The following SOX6 variants were observed in gnomAD, a reference collection of about 807,000 sequenced individuals.
The protein encoded by SOX6 is SRY-box transcription factor 6.
SOX6 carries 11 observed loss-of-function variants against 97.8 expected under a neutral mutation model. That is an observed-to-expected ratio of 0.11 (90% CI 0.07 to 0.19). The LOEUF (loss-of-function observed/expected upper bound fraction) is 0.19. Ranked by LOEUF, SOX6 falls within the 10% of genes least tolerant of loss-of-function variation. SOX6 has a pLI of 1.00. For missense variants in SOX6, 810 were observed against 1,039.5 expected (o/e 0.78, Z 3.04); for synonymous variants, 360 against 371.4 (o/e 0.97, Z 0.35).
At chr11:16,113,331 C>T (rs1564961526) in intron 6 of SOX6, among the ~76,000 whole-genome samples, 1 of 152,260 alleles carries the variant, frequency 6.6e-6, no homozygotes, top group Non-Finnish European at 1.5e-5. Context: ...TGTGCAATTA[C>T]TACCTTGCCA....
chr11:16,342,950 A>G (rs1346119835), intron 1 of SOX6, among the ~76,000 whole-genome samples: 1 of 151,880 alleles, frequency 6.6e-6, no homozygotes, highest in African/African-American at 2.4e-5. Context: ...AGGGAATGCA[A>G]AAGAATGCCT....
chr11:16,388,135 T>C (rs920082226), intron 1 of SOX6, among the ~76,000 whole-genome samples: 7 of 151,948 alleles, frequency 4.6e-5, no homozygotes, highest in Admixed American at 2.6e-4. Flanking sequence ...TTGCTGGGAG[T>C]TTTTTAATTA....
chr11:16,343,228 C>T (rs184582019), intron 1 of SOX6, among the ~76,000 whole-genome samples: 229 of 151,990 alleles, frequency 1.5e-3, no homozygotes, highest in Non-Finnish European at 2.6e-3. Context: ...AGGGTGATTT[C>T]CTATTTCAGA....
At chr11:16,450,437 A>G (rs931689070) in intron 1 of SOX6, among the ~76,000 whole-genome samples, 1 of 152,230 alleles carries the variant, frequency 6.6e-6, no homozygotes, top group African/African-American at 2.4e-5. Flanking sequence ...AATGGGGAAA[A>G]TATAGACAGC....
intron 6 of SOX6, among the ~76,000 whole-genome samples, chr11:16,142,012 TC>T (rs1850156579): frequency 3.9e-5 from 6 of 152,116 alleles, no homozygotes; most frequent in Admixed American, 2.6e-4. Context: ...GTAGTGGTTC[TC>T]CCAGCATGGA....
chr11:16,306,390 G>A (rs1855433440), intron 3 of SOX6, among the ~76,000 whole-genome samples: 1 of 152,122 alleles, frequency 6.6e-6, no homozygotes, highest in African/African-American at 2.4e-5. Flanking sequence ...TAATTTTAGA[G>A]GAGGAGACAT....
In SOX6 at chr11:16,697,176, C is replaced by G. The variant is rs1848060093; in HGVS notation, n.429+17654G>C. On this transcript the variant is annotated intron_variant and non_coding_transcript_variant, in intron 3 of 5. Coordinates refer to the SOX6 transcript ENST00000524520. ...CTAATTCTACTTCTCTTGCTGCTTCCATATCTACAGTTACTTCCTCCACTG... is the reference window on the plus strand; with the variant it reads ...CTAATTCTACTTCTCTTGCTGCTTCGATATCTACAGTTACTTCCTCCACTG... Among the ~76,000 whole-genome samples the G allele has an allele frequency of 5.3e-5, 8 of 152,172 alleles. No homozygotes were observed. In the South Asian group the frequency reaches 1.7e-3, roughly 32 times the overall value.
chr11:16,346,556 C>T (rs1590144810), intron 1 of SOX6, among the ~76,000 whole-genome samples: 1 of 152,188 alleles, frequency 6.6e-6, no homozygotes, highest in Admixed American at 6.6e-5. Context: ...TCCTCTCCCC[C>T]AATCCACCTC....
At chr11:16,714,451 C>CTTTTTTTTTTTTTTT (rs761435639) in intron 3 of SOX6, among the ~76,000 whole-genome samples, 6 of 116,372 alleles carry the variant, frequency 5.2e-5, no homozygotes, top group Admixed American at 8.7e-5. Context: ...AATTTTCTTT[C>CTTTTTTTTTTTTTTT]TTTTTTTTTT....
chr11:16,292,813 G>A (rs906387212), intron 3 of SOX6, among the ~76,000 whole-genome samples: 3 of 152,130 alleles, frequency 2.0e-5, no homozygotes, highest in Admixed American at 1.3e-4. Flanking sequence ...CTTGGTAACT[G>A]GTACAGAGAG....
intron 3 of SOX6, among the ~76,000 whole-genome samples, chr11:16,675,102 C>T (rs1847875306): frequency 6.6e-6 from 1 of 152,172 alleles, no homozygotes; most frequent in African/African-American, 2.4e-5. Flanking sequence ...ACAAAATCAA[C>T]ATACAAAAAT....
intron 6 of SOX6, among the ~76,000 whole-genome samples, chr11:16,182,770 A>G (rs1261185078): frequency 6.6e-6 from 1 of 151,924 alleles, no homozygotes. Flanking sequence ...CAGATACCAA[A>G]TTAGTACTTT....
chr11:15,971,827 A>G lies in SOX6; in HGVS notation c.*982T>C, dbSNP rs980825516. 6.5e-6 allele frequency: 1 copy of G among 152,764 alleles called. No individual in the cohort carries two copies. The highest frequency in any genetic ancestry group is 1.5e-5 in the Non-Finnish European group (1 of 68,034). 9.5% of individuals were successfully genotyped at this position (152,764 alleles called of 1,614,324 possible). On this transcript the variant is annotated 3_prime_UTR_variant, in exon 16 of 16. Transcript: ENST00000683767. ...TAATGCCACCAACAATTGAAAAAAA[A>G]TAAATAGCAAGTGGACCCTTGACAT...
At chr11:16,637,262 C>G (rs534722036) in intron 3 of SOX6, among the ~76,000 whole-genome samples, 1 of 152,228 alleles carries the variant, frequency 6.6e-6, no homozygotes, top group East Asian at 1.9e-4. Flanking sequence ...GCTCTATCGC[C>G]CAGGCTGGAG....
At chr11:16,426,319 G>GA (rs1859131879) in intron 1 of SOX6, among the ~76,000 whole-genome samples, 1 of 98,376 alleles carries the variant, frequency 1.0e-5, no homozygotes, top group African/African-American at 4.0e-5. Context: ...AATTCATATG[G>GA]AATAAAAAAA....
intron 2 of SOX6, among the ~76,000 whole-genome samples, chr11:16,329,795 A>G (rs1308800752): frequency 6.6e-6 from 1 of 152,198 alleles, no homozygotes; most frequent in Non-Finnish European, 1.5e-5. Flanking sequence ...AAACGCTTTC[A>G]CTAATAGAGG....
intron 1 of SOX6, among the ~76,000 whole-genome samples, chr11:16,395,273 T>C (rs1024143836): frequency 2.0e-5 from 3 of 151,830 alleles, no homozygotes. Flanking sequence ...CACAGATACA[T>C]AATTTCAAAT....
At chr11:16,376,346 A>G (rs923030576) in intron 1 of SOX6, among the ~76,000 whole-genome samples, 17 of 152,102 alleles carry the variant, frequency 1.1e-4, no homozygotes, top group Non-Finnish European at 2.4e-4. Context: ...GAGTGGGAGT[A>G]GAGATGATAG....
intron 13 of SOX6, among the ~76,000 whole-genome samples, chr11:16,011,711 T>C (rs895826977): frequency 6.6e-6 from 1 of 152,052 alleles, no homozygotes; most frequent in African/African-American, 2.4e-5. Context: ...GCTGGCTTAC[T>C]TTAGTCACTT....
Sources: gnomAD v4.1 joint callset for allele counts (sites outside exome capture counted in the v4.1 genomes callset) on GRCh38, gnomAD v4.1.1 for gene constraint, MANE v1.5 for transcripts, NCBI Gene and HGNC (gene_info 2026-07-23, HGNC 2026-07-21) for gene names.